The following TMEM237 variants were observed in gnomAD, a reference collection of about 807,000 sequenced individuals.
The protein encoded by TMEM237 is transmembrane protein 237.
In TMEM237, 51 loss-of-function variants were observed where a neutral mutation model predicts 59.1. The ratio of observed to expected loss-of-function variants is 0.86; its 90% CI spans 0.69 to 1.09. The LOEUF (loss-of-function observed/expected upper bound fraction) is 1.09. TMEM237 is among the 50% of genes least tolerant of loss of function. The pLI is 0.00. For missense variants in TMEM237, 475 were observed against 478.3 expected, an observed-to-expected ratio of 0.99 and a Z score of 0.06; for synonymous variants, 140 against 166.1, an observed-to-expected ratio of 0.84 and a Z score of 1.21.
At chr2:201,642,695 TCG>T (rs756880075) in intron 1 of TMEM237, 39 of 1,590,378 alleles carry the variant, frequency 2.5e-5, no homozygotes, top group Non-Finnish European at 3.2e-5. Context: ...CCCGGCTCGG[TCG>T]CGCGCGCAGG....
chr2:201,627,267 GA>G (rs1296781677), intron 11 of TMEM237, 53 bp downstream of exon 11: 1 of 1,297,258 alleles, frequency 7.7e-7, no homozygotes, highest in African/African-American at 1.5e-5. Context: ...GGAAGGATAA[GA>G]AAAGTTGCTG....
intron 6 of TMEM237, among the ~76,000 whole-genome samples, chr2:201,632,645 G>GTC (rs1476754138): frequency 6.6e-6 from 1 of 152,188 alleles, no homozygotes; most frequent in East Asian, 1.9e-4. Context: ...CTGCTGCCCT[G>GTC]TGAAGAAGGG....
At chr2:201,639,539 T>C (rs555549744) in intron 3 of TMEM237, among the ~76,000 whole-genome samples, 80 of 152,338 alleles carry the variant, frequency 5.3e-4, no homozygotes, top group African/African-American at 1.8e-3. Flanking sequence ...CTCACACCTG[T>C]AATCCCAACA....
chr2:201,642,922 T>A, intron 1 of TMEM237: 1 of 1,330,698 alleles, frequency 7.5e-7, no homozygotes, highest in Non-Finnish European at 9.5e-7. Context: ...TCCTAAGTGG[T>A]GGCGGTGATT....
At chr2:201,636,472 A>C in intron 5 of TMEM237, 1 of 306,920 alleles carries the variant, frequency 3.3e-6, no homozygotes, top group Non-Finnish European at 6.0e-6. Flanking sequence ...TTCATCATTT[A>C]CTAGATTTTT....
chr2:201,626,063 T>C lies in TMEM237; in HGVS notation c.1122A>G (p.Leu374=), dbSNP rs1362523533. The C allele has an allele frequency of 6.2e-7, 1 of 1,601,778 alleles. No individual in the cohort carries two copies. Among genetic ancestry groups the C allele is most frequent in the African/African-American group, 1.3e-5 (1 of 74,568 alleles). Residue 374 remains leucine (L), a synonymous_variant, in exon 12 of 13, where the codon CTA becomes CTG. Coordinates refer to ENST00000409883, the MANE Select transcript of TMEM237 (RefSeq NM_001044385.3). ...VVALLVGLSW[L]FLSYRPGMDL... is the part of the protein sequence containing the mutation. ...CCATGCCTGGCCTATAAGACAAAAATAGCCAAGATAATCCAACCAGAAGAG... is the reference window on the plus strand; with the variant it reads ...CCATGCCTGGCCTATAAGACAAAAACAGCCAAGATAATCCAACCAGAAGAG...
intron 1 of TMEM237, chr2:201,642,493 G>C: frequency 8.2e-7 from 1 of 1,222,638 alleles, no homozygotes; most frequent in Non-Finnish European, 1.1e-6. Context: ...GATTTCAAAA[G>C]TCCCGCAAAA....
In TMEM237 at chr2:201,643,420, T is replaced by C; in HGVS notation, c.-20A>G. 1 of 1,490,546 alleles carries C rather than the reference T, an allele frequency of 6.7e-7. No homozygotes were observed. The highest frequency in any genetic ancestry group is 8.9e-7 in the Non-Finnish European group (1 of 1,118,524). The allele number at this position is 1,490,546 out of a possible 1,614,324, so 92.3% of individuals were successfully genotyped here. On this transcript the variant is annotated 5_prime_UTR_variant, in exon 1 of 13. Coordinates refer to ENST00000409883, the MANE Select transcript of TMEM237 (RefSeq NM_001044385.3). This position sits in a 1 kb window ranked among gnomAD's most constrained non-coding sequence, Gnocchi z 4.3. Reference sequence around the variant, plus strand: ...CCTCATGGTGCTCTCCCCGCGGGGCTGCCCCGGCGCAACCGCCGGCGGCCC... The same window carrying C: ...CCTCATGGTGCTCTCCCCGCGGGGCCGCCCCGGCGCAACCGCCGGCGGCCC...
intron 1 of TMEM237, chr2:201,642,554 C>G: frequency 1.3e-6 from 2 of 1,585,448 alleles, no homozygotes; most frequent in Non-Finnish European, 1.7e-6. Flanking sequence ...AAAAGTAGGA[C>G]GGCTCAACTG....
At chr2:201,642,709 G>A in intron 1 of TMEM237, 1 of 1,568,024 alleles carries the variant, frequency 6.4e-7, no homozygotes, top group Non-Finnish European at 8.6e-7. Context: ...GCGCGCAGGC[G>A]CAATGCGTCA....
At position 201,636,636 on chromosome 2, in the gene TMEM237, G is replaced by T. The variant is rs369072513; in HGVS notation, c.274+112C>A. ...GTAAATATTTTAAACATAAAAGCAA[G>T]AAACCACCTGTGGGATATGGATAGG... is the stretch of plus-strand genomic sequence containing the variant. On this transcript the variant is annotated intron_variant, in intron 5 of 12. Transcript: ENST00000409883. 490 of 1,277,124 alleles carry T rather than the reference G, an allele frequency of 3.8e-4. 4 individuals carry two copies. The African/African-American group carries it at 6.1e-3, about 16-fold the overall frequency. The allele number at this position is 1,277,124 out of a possible 1,614,324, so 79.1% of individuals were successfully genotyped here.
rs1410995706 is a variant in TMEM237 at position 201,621,352 on chromosome 2, C to G, written c.*2903G>C. On this transcript the variant is annotated 3_prime_UTR_variant, in exon 13 of 13. Transcript: ENST00000409883. ...CAGCTTGGCAGTTTGTAACTACATA[C>G]AACCCATCAGTTTCACTCCTGGGCA... 1 of 152,190 alleles carries G rather than the reference C, an allele frequency of 6.6e-6. No individual in the cohort carries two copies. Among genetic ancestry groups the G allele is most frequent in the African/African-American group, 2.4e-5 (1 of 41,442 alleles). 9.4% of individuals were successfully genotyped at this position (152,190 alleles called of 1,614,324 possible). A position where few individuals can be genotyped will look rare whatever the true frequency, so the allele number is the denominator to read the frequency against.
At chr2:201,638,537 T>C (rs530000837) in intron 4 of TMEM237, 1 of 154,464 alleles carries the variant, frequency 6.5e-6, no homozygotes, top group Non-Finnish European at 1.4e-5. Flanking sequence ...GTTCTGCTCA[T>C]GACTGAAGCT....
At position 201,621,369 on chromosome 2, in the gene TMEM237, T is replaced by G. The variant is rs1374197247; in HGVS notation, c.*2886A>C. 3 of 152,188 alleles carry G rather than the reference T, an allele frequency of 2.0e-5. No individual in the cohort carries two copies. The East Asian group carries it at 5.8e-4, about 29-fold the overall frequency. 9.4% of individuals were successfully genotyped at this position (152,188 alleles called of 1,614,324 possible). ...ACTACATACAACCCATCAGTTTCACTCCTGGGCATTTATCTTAAAGAAATG... is the reference window on the plus strand; with the variant it reads ...ACTACATACAACCCATCAGTTTCACGCCTGGGCATTTATCTTAAAGAAATG... On this transcript the variant is annotated 3_prime_UTR_variant, in exon 13 of 13. Coordinates refer to ENST00000409883, the MANE Select transcript of TMEM237 (RefSeq NM_001044385.3).
intron 8 of TMEM237, 67 bp downstream of exon 8, chr2:201,629,661 TA>T: frequency 1.3e-6 from 2 of 1,555,846 alleles, no homozygotes; most frequent in Non-Finnish European, 8.6e-7. Context: ...ACCAAGAGGT[TA>T]TTTTTTTCTT....
intron 3 of TMEM237, 25 bp downstream of exon 3, chr2:201,640,236 T>C (rs1574587073): frequency 2.6e-6 from 4 of 1,546,584 alleles, no homozygotes; most frequent in Non-Finnish European, 3.5e-6. Flanking sequence ...ACACCAAATA[T>C]TATATTTACA....
At chr2:201,639,657 A>G (rs1422039674) in intron 3 of TMEM237, among the ~76,000 whole-genome samples, 2 of 152,170 alleles carry the variant, frequency 1.3e-5, no homozygotes, top group Non-Finnish European at 2.9e-5. Context: ...GTAGCTGGGC[A>G]TGGTGGCACA....
chr2:201,638,935 G>T (rs374774582), intron 4 of TMEM237, 54 bp downstream of exon 4: 9 of 1,502,670 alleles, frequency 6.0e-6, no homozygotes, highest in East Asian at 2.4e-5. Flanking sequence ...TGTTTACTAC[G>T]CCTGAGGTCC....
At chr2:201,633,218 A>G in intron 6 of TMEM237, 93 bp downstream of exon 6, 1 of 1,312,724 alleles carries the variant, frequency 7.6e-7, no homozygotes, top group Non-Finnish European at 1.0e-6. Flanking sequence ...ACAAGTATGT[A>G]ATAAGACTTA....
Sources: allele counts gnomAD v4.1 joint callset (sites outside exome capture counted in the v4.1 genomes callset), GRCh38; gene constraint gnomAD v4.1.1; non-coding constraint Gnocchi (gnomAD v3.1); transcripts MANE v1.5; gene names NCBI Gene and HGNC (gene_info 2026-07-23, HGNC 2026-07-21).